The following VNN1 variants were observed in gnomAD, a reference collection of about 807,000 sequenced individuals.
VNN1 encodes pantetheinase.
In VNN1, 29 loss-of-function variants were observed where a neutral mutation model predicts 41.9. The observed-to-expected ratio is 0.69, with a 90% CI of 0.52 to 0.94. VNN1 has a LOEUF of 0.94. VNN1 is among the 40% of genes least tolerant of loss of function. The pLI is 0.00. For missense variants in VNN1, 637 were observed against 621.1 expected (o/e 1.03, Z -0.27); for synonymous variants, 233 against 224.4 (o/e 1.04, Z -0.34).
intron 2 of VNN1, among the ~76,000 whole-genome samples, chr6:132,705,666 CTAAAG>C (rs1778508522): frequency 6.6e-6 from 1 of 152,016 alleles, no homozygotes; most frequent in African/African-American, 2.4e-5. Context: ...GAGGTTCTCA[CTAAAG>C]TAATCAGACA....
chr6:132,690,894 A>G (rs1479821448), intron 5 of VNN1, among the ~76,000 whole-genome samples: 1 of 152,126 alleles, frequency 6.6e-6, no homozygotes, highest in African/African-American at 2.4e-5. Context: ...GATGTACTTA[A>G]CTCATCTGGA....
chr6:132,696,045 A>G (rs1778366713), intron 2 of VNN1, among the ~76,000 whole-genome samples: 1 of 152,228 alleles, frequency 6.6e-6, no homozygotes, highest in Non-Finnish European at 1.5e-5. Flanking sequence ...CCTACTAAAC[A>G]CAGACTTTAA....
rs1219720036 is a variant in VNN1 at position 132,684,970 on chromosome 6, C to T, written c.1189-465G>A. Among the ~76,000 whole-genome samples the T allele has an allele frequency of 2.6e-5, 4 of 152,230 alleles. No homozygotes were observed. The East Asian group carries it at 7.7e-4, about 29-fold the overall frequency. On this transcript the variant is annotated intron_variant, in intron 5 of 6. Coordinates refer to ENST00000367928, the MANE Select transcript of VNN1 (RefSeq NM_004666.3). The stretch of plus-strand genomic sequence containing the variant: ...CTATAGCCATGAACAGCTATATCTT[C>T]ATTGTTCTCAAGTTACTAATGATTT...
chr6:132,687,868 G>C (rs2745431), intron 5 of VNN1, among the ~76,000 whole-genome samples: 48,440 of 151,922 alleles, frequency 0.32, 8,388 homozygotes, highest in African/African-American at 0.46. Context: ...ATAACTTTAG[G>C]AAAAACAAAG....
intron 5 of VNN1, among the ~76,000 whole-genome samples, chr6:132,689,418 A>G (rs1307904546): frequency 2.0e-5 from 3 of 152,132 alleles, no homozygotes; most frequent in South Asian, 2.1e-4. Context: ...TTTCAACCCA[A>G]TATAATCTGC....
At chr6:132,686,019 C>G (rs1320298295) in intron 5 of VNN1, among the ~76,000 whole-genome samples, 2 of 151,968 alleles carry the variant, frequency 1.3e-5, no homozygotes, top group Non-Finnish European at 2.9e-5. Flanking sequence ...ATTTATCTTT[C>G]AGGAATAGGG....
At chr6:132,684,531 G>A in intron 5 of VNN1, 26 bp from the exon 6 acceptor site, 1 of 1,611,790 alleles carries the variant, frequency 6.2e-7, no homozygotes, top group Non-Finnish European at 8.5e-7. Context: ...AAACCAGTAA[G>A]TCATAAGAAA....
intron 2 of VNN1, chr6:132,699,377 A>G (rs1778419015): frequency 5.5e-6 from 1 of 180,194 alleles, no homozygotes. Context: ...TCTAAATCAA[A>G]GCCTTCTATG....
intron 2 of VNN1, among the ~76,000 whole-genome samples, chr6:132,706,470 T>G (rs1006160890): frequency 1.3e-5 from 2 of 152,142 alleles, no homozygotes; most frequent in Non-Finnish European, 2.9e-5. Context: ...AGAATGAAAG[T>G]AGACCCCTAT....
At chr6:132,696,903 A>C (rs1778382059) in intron 2 of VNN1, among the ~76,000 whole-genome samples, 1 of 152,108 alleles carries the variant, frequency 6.6e-6, no homozygotes, top group Admixed American at 6.5e-5. Context: ...CAGGAGATCG[A>C]GACCATCCTG....
chr6:132,694,408 C>T (rs1309567118), intron 2 of VNN1, among the ~76,000 whole-genome samples: 2 of 152,164 alleles, frequency 1.3e-5, no homozygotes, highest in East Asian at 1.9e-4. Flanking sequence ...TTCCAGACCA[C>T]GTATTTTTTC....
intron 5 of VNN1, among the ~76,000 whole-genome samples, chr6:132,690,030 T>G (rs1778260051): frequency 1.3e-5 from 2 of 152,218 alleles, no homozygotes; most frequent in African/African-American, 4.8e-5. Flanking sequence ...AATTGGCCAC[T>G]GAGTTCCATT....
rs962686443 is a variant in VNN1, at chr6:132,681,823, T to A, written c.*1317A>T. 1 of 152,676 alleles carries A rather than the reference T, an allele frequency of 6.5e-6. No homozygotes were observed. Among genetic ancestry groups the A allele is most frequent in the Non-Finnish European group, 1.5e-5 (1 of 68,040 alleles). 9.5% of individuals were successfully genotyped at this position (152,676 alleles called of 1,614,324 possible). A position where few individuals can be genotyped will look rare whatever the true frequency, so the allele number is the denominator to read the frequency against. ...ATTTCTTGGATGATATAGTACTTTT[T>A]AGGAAAAACATCTGCCACAAAAATG... On this transcript the variant is annotated 3_prime_UTR_variant, in exon 7 of 7. Coordinates refer to ENST00000367928, the MANE Select transcript of VNN1 (RefSeq NM_004666.3).
Position 132,694,038 on chromosome 6 carries a change from A to G in VNN1, c.486T>C (p.Thr162=). The stretch of plus-strand genomic sequence containing the variant: ...TTCCTTGAGAATCAAATACCACATC[A>G]GTGTTGTATTGGTAACGGCCATCAG... ...CPPDGRYQYN[T]DVVFDSQGKL... is the part of the protein sequence containing the mutation. Residue 162 remains threonine (T), a synonymous_variant, in exon 3 of 7, where the codon ACT becomes ACC. Coordinates refer to ENST00000367928, the MANE Select transcript of VNN1 (RefSeq NM_004666.3). 6.2e-7 allele frequency: 1 copy of G among 1,614,146 alleles called. No individual in the cohort carries two copies.
chr6:132,694,249 A>G, intron 2 of VNN1, 67 bp from the exon 3 acceptor site: 1 of 1,435,268 alleles, frequency 7.0e-7, no homozygotes, highest in Middle Eastern at 1.8e-4. Context: ...AAAATCCTGA[A>G]TGATAGTTGC....
chr6:132,696,968 G>A (rs1778383574), intron 2 of VNN1, among the ~76,000 whole-genome samples: 1 of 152,052 alleles, frequency 6.6e-6, no homozygotes, highest in Admixed American at 6.5e-5. Context: ...AGCCAGGCGT[G>A]GTGGCAGGTG....
chr6:132,693,952 G>C (rs768757266), intron 3 of VNN1, 38 bp downstream of exon 3: 2 of 1,607,200 alleles, frequency 1.2e-6, no homozygotes, highest in Non-Finnish European at 1.7e-6. Context: ...TATTTCATTA[G>C]GCATTAACTA....
In VNN1 at chr6:132,682,069, T is replaced by C. The variant is rs1778132726; in HGVS notation, c.*1071A>G. The C allele has an allele frequency of 6.6e-6, 1 of 152,206 alleles. No homozygotes were observed. The highest frequency in any genetic ancestry group is 2.4e-5 in the African/African-American group (1 of 41,446). The allele number at this position is 152,206 out of a possible 1,614,324, so 9.4% of individuals were successfully genotyped here. On this transcript the variant is annotated 3_prime_UTR_variant, in exon 7 of 7. Coordinates refer to ENST00000367928, the MANE Select transcript of VNN1 (RefSeq NM_004666.3). ...CACTGAGTTGTGTAATGTCAAGAGA[T>C]TCTGCTGTTACTAAAATAGAACACA...
chr6:132,708,258 T>C (rs1182379178), intron 2 of VNN1, among the ~76,000 whole-genome samples: 4 of 152,188 alleles, frequency 2.6e-5, no homozygotes. Flanking sequence ...AGAACTATAC[T>C]TAACATCCAG....
Sources: gnomAD v4.1 joint callset for allele counts (sites outside exome capture counted in the v4.1 genomes callset) on GRCh38, gnomAD v4.1.1 for gene constraint, MANE v1.5 for transcripts, NCBI Gene and HGNC (gene_info 2026-07-23, HGNC 2026-07-21) for gene names.